UNC13B: variants seen among roughly 807,000 people sequenced by gnomAD.
The protein encoded by UNC13B is protein unc-13 homolog B.
In UNC13B, 144 loss-of-function variants were observed where a neutral mutation model predicts 211.0. That is an observed-to-expected ratio of 0.68 (90% CI 0.60 to 0.78). The LOEUF is 0.78. Among genes scored for constraint, UNC13B ranks in the 30% least tolerant of loss-of-function variants. The pLI, the probability that UNC13B is intolerant of heterozygous loss-of-function variation, is 0.00. For synonymous variants in UNC13B, 709 were observed against 725.8 expected (o/e 0.98, Z 0.37); for missense variants, 1,777 against 2,002.0 (o/e 0.89, Z 2.14).
At chr9:35,273,082 A>G (rs1827983514) in intron 7 of UNC13B, among the ~76,000 whole-genome samples, 2 of 152,250 alleles carry the variant, frequency 1.3e-5, no homozygotes, top group Non-Finnish European at 2.9e-5. Context: ...TGTCCTGAGT[A>G]CGAATCATTC....
At chr9:35,187,899 G>A (rs1483470897) in intron 1 of UNC13B, among the ~76,000 whole-genome samples, 2 of 152,184 alleles carry the variant, frequency 1.3e-5, no homozygotes, top group African/African-American at 4.8e-5. Context: ...GGCTCTGCAA[G>A]TCTAGATTGA....
chr9:35,305,766 C>A lies in UNC13B; in HGVS notation c.6362C>A (p.Ser2121Tyr). 1 of 398,946 alleles carries A rather than the reference C, an allele frequency of 2.5e-6. No homozygotes were observed. The highest frequency in any genetic ancestry group is 3.6e-5 in the East Asian group (1 of 28,080). The allele number at this position is 398,946 out of a possible 1,614,324, so 24.7% of individuals were successfully genotyped here. The change falls in exon 9 of 40, where the codon TCC (serine) becomes TAC (tyrosine). Residue 2121 changes from serine (S) to tyrosine (Y), a missense_variant. By Grantham distance (144) the Ser-to-Tyr change is moderately radical. Transcript: ENST00000635942. ...GAAGTTTCAAAAAGTAATGAAATAT[C>A]CTTTGATACCCTGAGCAAGAGAAAT... ...VTEVSKSNEI[S>Y]FDTLSKRNSN... is the part of the protein sequence containing the mutation.
At chr9:35,184,809 G>A (rs963591224) in intron 1 of UNC13B, among the ~76,000 whole-genome samples, 7 of 112,796 alleles carry the variant, frequency 6.2e-5, no homozygotes, top group East Asian at 2.9e-4. Context: ...AGCGGGGGGG[G>A]GGGGGGAGAG....
intron 7 of UNC13B, among the ~76,000 whole-genome samples, chr9:35,262,999 C>T (rs1827367261): frequency 6.6e-6 from 1 of 152,036 alleles, no homozygotes; most frequent in Non-Finnish European, 1.5e-5. Context: ...TGATATTGAT[C>T]TTTTTTTATT....
chr9:35,267,828 T>C (rs1827658868), intron 7 of UNC13B, among the ~76,000 whole-genome samples: 1 of 152,186 alleles, frequency 6.6e-6, no homozygotes, highest in South Asian at 2.1e-4. Flanking sequence ...TACCAAAAGA[T>C]GTACTTAGCT....
intron 1 of UNC13B, among the ~76,000 whole-genome samples, chr9:35,212,564 C>T (rs1426060514): frequency 6.6e-6 from 1 of 152,066 alleles, no homozygotes; most frequent in Non-Finnish European, 1.5e-5. Flanking sequence ...CAGAGTGAGA[C>T]TCTGTCTCAA....
At position 35,385,768 on chromosome 9, in the gene UNC13B, A is replaced by G. The variant is rs767510164; in HGVS notation, c.10920A>G (p.Lys3640=). Residue 3640 remains lysine, a synonymous_variant, in exon 23 of 40, where the codon AAA becomes AAG. Transcript: ENST00000635942. The part of the protein sequence containing the change: ...AGSPERLQDL[K]STVDLLTSIT... ...GTCCTGAACGGCTTCAGGACTTAAAATCCACAGTGGATTTGCTGACCAGCA... is the reference window on the plus strand; with the variant it reads ...GTCCTGAACGGCTTCAGGACTTAAAGTCCACAGTGGATTTGCTGACCAGCA... The G allele has an allele frequency of 3.7e-6, 6 of 1,610,632 alleles. No individual in the cohort carries two copies. The South Asian group carries it at 4.4e-5, about 12-fold the overall frequency.
rs559397743 is a variant in UNC13B, at chr9:35,390,584, T to A, written c.11223-45T>A. The stretch of plus-strand genomic sequence containing the variant: ...TAGCCTTGAAATGAATCAAATCAAA[T>A]GGCTCTTGCCTTATTCTCTGACTGT... On this transcript the variant is annotated intron_variant, in intron 25 of 39. Transcript: ENST00000635942. 1.4e-4 allele frequency: 223 copies of A among 1,594,894 alleles called. 3 individuals carry two copies. The South Asian group carries it at 2.4e-3, about 17-fold the overall frequency.
rs148546526 is a variant in UNC13B at position 35,390,164 on chromosome 9, C to T, written c.11222+191C>T. On this transcript the variant is annotated intron_variant, in intron 25 of 39. Transcript: ENST00000635942. ...CAGGTGTGGAAACATAATGGGGGTC[C>T]CTGGCCAGATTGAGCCAGCTTCCCT... Among the ~76,000 whole-genome samples, 37 of 152,234 alleles carry T rather than the reference C, an allele frequency of 2.4e-4. No homozygotes were observed. The East Asian group carries it at 7.0e-3, about 29-fold the overall frequency.
At chr9:35,237,905 A>G in intron 5 of UNC13B, 79 bp downstream of exon 5, 2 of 1,430,216 alleles carry the variant, frequency 1.4e-6, no homozygotes, top group Non-Finnish European at 1.9e-6. Context: ...ATTAATGTAT[A>G]TTTTGTCACC....
chr9:35,250,526 G>T (rs1215149051), intron 6 of UNC13B, among the ~76,000 whole-genome samples: 1 of 152,094 alleles, frequency 6.6e-6, no homozygotes, highest in Non-Finnish European at 1.5e-5. Flanking sequence ...ACATTCCATT[G>T]TATGGATGTA....
At chr9:35,256,714 A>G (rs1826900069) in intron 6 of UNC13B, among the ~76,000 whole-genome samples, 1 of 152,174 alleles carries the variant, frequency 6.6e-6, no homozygotes, top group Non-Finnish European at 1.5e-5. Context: ...GCTAACACAC[A>G]TATGTGTGCA....
chr9:35,338,374 T>C (rs1359424341), intron 11 of UNC13B, among the ~76,000 whole-genome samples: 1 of 152,222 alleles, frequency 6.6e-6, no homozygotes, highest in African/African-American at 2.4e-5. Context: ...CGGGTCTGTT[T>C]AGGTAACAAA....
Position 35,183,969 on chromosome 9 carries a change from G to A in UNC13B, c.22+21664G>A, listed in dbSNP as rs1212424573. ...CTCCTCACCACCCAGACGGGGCGGC[G>A]GGGCAGAGGCGCTCCTCACCTCCCA... On this transcript the variant is annotated intron_variant, in intron 1 of 39. Transcript: ENST00000635942. Among the ~76,000 whole-genome samples, 11 of 126,124 alleles carry A rather than the reference G, an allele frequency of 8.7e-5. No homozygotes were observed. In the East Asian group the frequency reaches 1.0e-3, roughly 11 times the overall value. The allele number at this position is 126,124 out of a possible 152,430, so 82.7% of individuals were successfully genotyped here.
intron 7 of UNC13B, among the ~76,000 whole-genome samples, chr9:35,283,198 A>G (rs1177933373): frequency 6.6e-6 from 1 of 152,078 alleles, no homozygotes; most frequent in Admixed American, 6.5e-5. Flanking sequence ...TATTTGATTA[A>G]TATTTGTTCC....
chr9:35,324,751 T>A (rs914853977), intron 11 of UNC13B, among the ~76,000 whole-genome samples: 1 of 152,242 alleles, frequency 6.6e-6, no homozygotes, highest in Non-Finnish European at 1.5e-5. Context: ...ATTTCTTAAA[T>A]GTTGTTCTTT....
intron 6 of UNC13B, among the ~76,000 whole-genome samples, chr9:35,244,031 A>G (rs1259522991): frequency 6.6e-6 from 1 of 152,156 alleles, no homozygotes; most frequent in Non-Finnish European, 1.5e-5. Context: ...AGCTGTAGGC[A>G]TAGAGCTTCA....
chr9:35,285,809 A>G (rs7875721), intron 7 of UNC13B, among the ~76,000 whole-genome samples: 3,106 of 152,346 alleles, frequency 0.02, 106 homozygotes, highest in African/African-American at 0.072. Context: ...GGATAGTTAA[A>G]TCTTCAAGGA....
chr9:35,165,569 C>T (rs190702088), intron 1 of UNC13B, among the ~76,000 whole-genome samples: 252 of 152,042 alleles, frequency 1.7e-3, no homozygotes, highest in African/African-American at 5.8e-3. Context: ...AGGCGCCTGC[C>T]ACCATGCCTG....
Sources: gnomAD v4.1 joint callset for allele counts (sites outside exome capture counted in the v4.1 genomes callset) on GRCh38, gnomAD v4.1.1 for gene constraint, MANE v1.5 for transcripts, NCBI Gene and HGNC (gene_info 2026-07-23, HGNC 2026-07-21) for gene names.